The following FABP12 variants were observed in gnomAD, a reference collection of about 807,000 sequenced individuals.
The protein encoded by FABP12 is fatty acid binding protein 12, also known as fatty acid-binding protein 12.
Under a neutral mutation model 13.7 loss-of-function variants are expected in FABP12, and 19 were observed. That is an observed-to-expected ratio of 1.39 (90% CI 0.97 to 2.04). The LOEUF is 2.04. Ranked by LOEUF, FABP12 falls within the 30% of genes most tolerant of loss-of-function variation. The pLI is 0.00. For missense variants in FABP12, 182 were observed against 164.2 expected (o/e 1.11, Z -0.59); for synonymous variants, 61 against 57.0 (o/e 1.07, Z -0.32).
chr8:81,538,310 A>G (rs551356463), upstream of FABP12, among the ~76,000 whole-genome samples: 1 of 152,290 alleles, frequency 6.6e-6, no homozygotes, highest in Non-Finnish European at 1.5e-5. Flanking sequence ...TAAGCACCCA[A>G]ACTATGTCTG....
chr8:81,559,303 G>GC (rs919171195), intron 1 of FABP12, among the ~76,000 whole-genome samples: 25 of 152,230 alleles, frequency 1.6e-4, no homozygotes, highest in East Asian at 9.6e-4. Context: ...GACGTTTTAT[G>GC]CCCCCCCGAG....
At chr8:81,554,348 C>T (rs1265272478) in intron 1 of FABP12, among the ~76,000 whole-genome samples, 1 of 152,060 alleles carries the variant, frequency 6.6e-6, no homozygotes, top group Admixed American at 6.6e-5. Flanking sequence ...TATTTCAATC[C>T]CCTCAAAAAC....
intron 1 of FABP12, among the ~76,000 whole-genome samples, chr8:81,558,701 C>CCAA (rs1809664790): frequency 6.6e-6 from 1 of 151,934 alleles, no homozygotes; most frequent in African/African-American, 2.4e-5. Context: ...ACCAGCCTGA[C>CCAA]CAACATAGTG....
chr8:81,531,979 C>G (rs1809088303), intron 1 of FABP12, among the ~76,000 whole-genome samples: 1 of 151,942 alleles, frequency 6.6e-6, no homozygotes, highest in African/African-American at 2.4e-5. Context: ...AGCCCTGTTA[C>G]TGACACTTTT....
intron 1 of FABP12, among the ~76,000 whole-genome samples, chr8:81,548,420 T>C (rs544929399): frequency 6.6e-6 from 1 of 152,360 alleles, no homozygotes; most frequent in East Asian, 1.9e-4. Context: ...GTGTGAGATG[T>C]ATTCAAAGTG....
chr8:81,538,126 T>C (rs920454077), upstream of FABP12, among the ~76,000 whole-genome samples: 2 of 152,074 alleles, frequency 1.3e-5, no homozygotes, highest in African/African-American at 4.8e-5. Context: ...GGAGGTGCCA[T>C]GCTCTTTTAA....
chr8:81,565,247 C>T (rs547660482), intron 1 of FABP12, among the ~76,000 whole-genome samples: 2 of 152,092 alleles, frequency 1.3e-5, no homozygotes, highest in East Asian at 3.9e-4. Context: ...CTGGAGAATT[C>T]AGTGCCCCAT....
intron 1 of FABP12, among the ~76,000 whole-genome samples, chr8:81,541,910 T>TTAAAAA (rs1563547038): frequency 7.0e-5 from 5 of 71,152 alleles, no homozygotes; most frequent in Non-Finnish European, 1.1e-4. Context: ...TCCCAGGGTT[T>TTAAAAA]AAAAAAAAAA....
At chr8:81,531,475 C>A in intron 1 of FABP12, 85 bp from the exon 2 acceptor site, 1 of 563,282 alleles carries the variant, frequency 1.8e-6, no homozygotes, top group Non-Finnish European at 3.1e-6. Context: ...TGCAATGTTC[C>A]TTGAGTATCA....
intron 1 of FABP12, among the ~76,000 whole-genome samples, chr8:81,572,443 T>A (rs1478417076): frequency 6.6e-6 from 1 of 152,194 alleles, no homozygotes; most frequent in African/African-American, 2.4e-5. Flanking sequence ...TTGCGAATAA[T>A]GACTTTTTTC....
chr8:81,539,276 A>G (rs1183107209), intron 2 of FABP12, among the ~76,000 whole-genome samples: 4 of 151,872 alleles, frequency 2.6e-5, no homozygotes, highest in Admixed American at 2.0e-4. Context: ...CATCATATTC[A>G]CCAAGGATAA....
At chr8:81,570,113 T>C (rs2130069834) in intron 1 of FABP12, among the ~76,000 whole-genome samples, 1 of 152,340 alleles carries the variant, frequency 6.6e-6, no homozygotes, top group East Asian at 1.9e-4. Context: ...CTGGACCCGG[T>C]GCATTGCAAA....
chr8:81,577,301 G>T (rs1312925837), intron 1 of FABP12, among the ~76,000 whole-genome samples: 1 of 152,122 alleles, frequency 6.6e-6, no homozygotes, highest in Non-Finnish European at 1.5e-5. Context: ...TTTGAGGTGG[G>T]ATATGAAAGC....
chr8:81,561,939 A>T (rs1809730475), intron 1 of FABP12, among the ~76,000 whole-genome samples: 1 of 152,326 alleles, frequency 6.6e-6, no homozygotes, highest in East Asian at 1.9e-4. Flanking sequence ...CTTGGGATGC[A>T]CATGACATAG....
At chr8:81,556,646 C>T (rs184490299) in intron 1 of FABP12, among the ~76,000 whole-genome samples, 6 of 150,434 alleles carry the variant, frequency 4.0e-5, no homozygotes, top group South Asian at 2.1e-4. Flanking sequence ...AGAAATAATG[C>T]ATTTTAACTT....
In FABP12 at chr8:81,525,648, G is replaced by A. The variant is rs992781456; in HGVS notation, c.349-528C>T. On this transcript the variant is annotated intron_variant, in intron 4 of 4. Coordinates refer to ENST00000360464, the Ensembl canonical transcript of FABP12. ...ATGTTCTATATAACCTATGTATGGC[G>A]AATCACATACATGTGGTATATTTCG... Among the ~76,000 whole-genome samples the A allele has an allele frequency of 1.4e-3, 215 of 151,772 alleles. 1 individual carries two copies. The highest frequency in any genetic ancestry group is 4.4e-3 in the African/African-American group (181 of 41,354).
At chr8:81,545,238 A>G (rs926989152) in intron 1 of FABP12, among the ~76,000 whole-genome samples, 5 of 152,210 alleles carry the variant, frequency 3.3e-5, no homozygotes, top group African/African-American at 9.6e-5. Context: ...GGCAGAGACT[A>G]GGACTGTCAG....
intron 2 of FABP12, among the ~76,000 whole-genome samples, 200 bp from the exon 3 acceptor site, chr8:81,529,810 T>G (rs1809015655): frequency 1.3e-5 from 2 of 152,196 alleles, no homozygotes; most frequent in Non-Finnish European, 1.5e-5. Flanking sequence ...AGCTCCACCA[T>G]GACATGTTAA....
intron 1 of FABP12, among the ~76,000 whole-genome samples, chr8:81,563,358 C>T (rs11782701): frequency 0.023 from 3,474 of 151,948 alleles, 60 homozygotes; most frequent in Middle Eastern, 0.045. Flanking sequence ...ATAATAAATA[C>T]CCAATTCTCC....
Sources: allele counts gnomAD v4.1 joint callset (sites outside exome capture counted in the v4.1 genomes callset), GRCh38; gene constraint gnomAD v4.1.1; transcripts MANE v1.5; gene names NCBI Gene and HGNC (gene_info 2026-07-23, HGNC 2026-07-21).